The following STIL variants were observed in gnomAD, a reference collection of about 807,000 sequenced individuals.
STIL encodes STIL centriolar assembly protein.
Under a neutral mutation model 110.1 loss-of-function variants are expected in STIL, and 55 were observed. That is an observed-to-expected ratio of 0.50 (90% CI 0.40 to 0.63). STIL has a LOEUF of 0.63. Among genes scored for constraint, STIL ranks in the 20% least tolerant of loss-of-function variants. STIL has a pLI of 0.00. For synonymous variants in STIL, 481 were observed against 530.0 expected, an observed-to-expected ratio of 0.91 and a Z score of 1.27; for missense variants, 1,358 against 1,530.0, an observed-to-expected ratio of 0.89 and a Z score of 1.87.
intron 1 of STIL, among the ~76,000 whole-genome samples, chr1:47,312,257 G>A (rs1490204383): frequency 3.9e-5 from 6 of 152,070 alleles, no homozygotes; most frequent in African/African-American, 9.7e-5. Flanking sequence ...TTGGGAGGCC[G>A]AGGTGGGTGG....
At chr1:47,300,774 T>G (rs1368659042) in intron 5 of STIL, among the ~76,000 whole-genome samples, 1 of 152,210 alleles carries the variant, frequency 6.6e-6, no homozygotes, top group East Asian at 1.9e-4. Flanking sequence ...ATAAAATAAT[T>G]CCGATTGAGC....
chr1:47,297,929 A>C (rs1278166441), intron 6 of STIL, among the ~76,000 whole-genome samples: 1 of 152,224 alleles, frequency 6.6e-6, no homozygotes, highest in East Asian at 1.9e-4. Context: ...TGGGTACTAA[A>C]GAAAACAAAT....
At chr1:47,268,777 A>T (rs1381760741) in intron 14 of STIL, among the ~76,000 whole-genome samples, 81 of 127,922 alleles carry the variant, frequency 6.3e-4, no homozygotes, top group African/African-American at 2.3e-3. Flanking sequence ...ATAAATAAAT[A>T]AATAAATAAA....
At position 47,252,346 on chromosome 1, in the gene STIL, C is replaced by T. The variant is rs145310321; in HGVS notation, c.3081-424G>A. Reference sequence around the variant, plus strand: ...ACAGTGAGCCATGATCGTGCCACTGCACTCCAGCCTGGGCAACAGAACAAG... The same window carrying T: ...ACAGTGAGCCATGATCGTGCCACTGTACTCCAGCCTGGGCAACAGAACAAG... On this transcript the variant is annotated intron_variant, in intron 16 of 16. Coordinates refer to ENST00000371877, the MANE Select transcript of STIL (RefSeq NM_001048166.1). 4.0e-3 allele frequency among the ~76,000 whole-genome samples: 607 copies of T among 152,168 alleles called. 3 individuals are homozygous for T. The highest frequency in any genetic ancestry group is 0.014 in the African/African-American group (582 of 41,504).
chr1:47,285,751 G>A (rs537329709), intron 10 of STIL, among the ~76,000 whole-genome samples: 38 of 150,080 alleles, frequency 2.5e-4, no homozygotes, highest in Middle Eastern at 3.6e-3. Flanking sequence ...GAGCCACCGG[G>A]CCTGGCCGAG....
chr1:47,261,198 G>A (rs1307305865), intron 15 of STIL, among the ~76,000 whole-genome samples: 1 of 151,904 alleles, frequency 6.6e-6, no homozygotes, highest in East Asian at 1.9e-4. Flanking sequence ...GACCAGCCTA[G>A]CCAACATGGT....
chr1:47,295,205 G>C (rs1201282725), intron 7 of STIL, among the ~76,000 whole-genome samples: 1 of 152,046 alleles, frequency 6.6e-6, no homozygotes, highest in Non-Finnish European at 1.5e-5. Context: ...CAAAAGTGCT[G>C]GGATTACAGG....
intron 6 of STIL, among the ~76,000 whole-genome samples, chr1:47,297,042 T>C (rs1426860183): frequency 6.6e-6 from 1 of 152,176 alleles, no homozygotes; most frequent in Non-Finnish European, 1.5e-5. Flanking sequence ...TTCTACTCCT[T>C]AAAAGAATTA....
At chr1:47,291,221 C>G (rs1317782126) in intron 8 of STIL, among the ~76,000 whole-genome samples, 2 of 151,892 alleles carry the variant, frequency 1.3e-5, no homozygotes, top group Admixed American at 1.3e-4. Flanking sequence ...ATTAGCCGGG[C>G]ATGGTGGCAC....
intron 14 of STIL, among the ~76,000 whole-genome samples, chr1:47,267,287 T>TTAA (rs1271951000): frequency 2.6e-5 from 4 of 152,338 alleles, no homozygotes; most frequent in African/African-American, 9.6e-5. Context: ...GCTCATGTGG[T>TTAA]TAAATTCCAT....
chr1:47,310,847 A>G (rs1156974166), intron 1 of STIL, among the ~76,000 whole-genome samples: 1 of 152,094 alleles, frequency 6.6e-6, no homozygotes, highest in Non-Finnish European at 1.5e-5. Flanking sequence ...TGTCAGTGAA[A>G]AATCAGTGTT....
At chr1:47,310,066 G>A (rs1055081552) in intron 2 of STIL, among the ~76,000 whole-genome samples, 1 of 152,166 alleles carries the variant, frequency 6.6e-6, no homozygotes, top group South Asian at 2.1e-4. Context: ...TCTTCTGTGA[G>A]ACAGAGATTA....
At chr1:47,293,667 T>G in intron 7 of STIL, 123 bp from the exon 8 acceptor site, 1 of 738,812 alleles carries the variant, frequency 1.4e-6, no homozygotes, top group South Asian at 1.6e-5. Flanking sequence ...AAAGCCTTAG[T>G]AATAAGAAAT....
chr1:47,278,703 C>T (rs1645059498), intron 12 of STIL, among the ~76,000 whole-genome samples: 2 of 151,898 alleles, frequency 1.3e-5, no homozygotes, highest in Non-Finnish European at 2.9e-5. Flanking sequence ...TGGTGACTCA[C>T]ACCTATAATC....
chr1:47,272,322 G>A (rs1644865781), intron 12 of STIL, 81 bp from the exon 13 acceptor site: 2 of 1,461,882 alleles, frequency 1.4e-6, no homozygotes, highest in South Asian at 2.3e-5. Flanking sequence ...GAATTACAAA[G>A]CGCCCTAATT....
Position 47,301,659 on chromosome 1 carries a change from G to A in STIL, c.355C>T (p.Pro119Ser). The change falls in exon 5 of 17, where the codon CCT (proline) becomes TCT (serine). Residue 119 changes from proline (P) to serine (S), a missense_variant. By Grantham distance (74) the Pro-to-Ser change is moderately conservative. Coordinates refer to ENST00000371877, the MANE Select transcript of STIL (RefSeq NM_001048166.1). ...TTGCATGGAATCAAAAAGTCCCCAG[G>A]AAGAGAAGCAGTAGGGGTTATTTCT... is the stretch of plus-strand genomic sequence containing the variant. Reference protein sequence around the residue: ...CLEITPTASLPGDFLIPCKVH... With the variant: ...CLEITPTASLSGDFLIPCKVH... 2 of 1,613,950 alleles carry A rather than the reference G, an allele frequency of 1.2e-6. No individual in the cohort carries two copies. The highest frequency in any genetic ancestry group is 1.7e-6 in the Non-Finnish European group (2 of 1,179,978).
chr1:47,307,362 T>C (rs1349005841), intron 2 of STIL, among the ~76,000 whole-genome samples: 2 of 152,212 alleles, frequency 1.3e-5, no homozygotes, highest in Non-Finnish European at 2.9e-5. Flanking sequence ...GCCGAAGCCA[T>C]GACTGAAGGA....
At chr1:47,273,385 T>C (rs2148889274) in intron 12 of STIL, among the ~76,000 whole-genome samples, 1 of 152,346 alleles carries the variant, frequency 6.6e-6, no homozygotes, top group East Asian at 1.9e-4. Context: ...CCGGAGCCCC[T>C]GACGGTCTAA....
At chr1:47,300,633 A>G (rs1304203557) in intron 5 of STIL, among the ~76,000 whole-genome samples, 1 of 152,032 alleles carries the variant, frequency 6.6e-6, no homozygotes, top group Non-Finnish European at 1.5e-5. Context: ...ACACCCAGCT[A>G]ATTTTTTATA....
Sources: allele counts gnomAD v4.1 joint callset (sites outside exome capture counted in the v4.1 genomes callset), GRCh38; gene constraint gnomAD v4.1.1; transcripts MANE v1.5; gene names NCBI Gene and HGNC (gene_info 2026-07-23, HGNC 2026-07-21).